FREM2: variants seen among roughly 807,000 people sequenced by gnomAD.
The protein encoded by FREM2 is FRAS1 related extracellular matrix 2.
FREM2 carries 119 observed loss-of-function variants against 219.9 expected under a neutral mutation model. That is an observed-to-expected ratio of 0.54 (90% CI 0.47 to 0.63). FREM2 has a LOEUF of 0.63. FREM2 is among the 30% of genes least tolerant of loss of function. FREM2 has a pLI of 0.00. For synonymous variants in FREM2, 1,562 were observed against 1,522.8 expected, an observed-to-expected ratio of 1.03 and a Z score of -0.60; for missense variants, 4,030 against 3,993.6, an observed-to-expected ratio of 1.01 and a Z score of -0.25.
chr13:38,760,831 C>CA (rs112835615), intron 2 of FREM2, among the ~76,000 whole-genome samples: 13,926 of 143,662 alleles, frequency 0.097, 664 homozygotes, highest in South Asian at 0.21. Flanking sequence ...CAGAAAATGA[C>CA]AAAAAAAAAA....
rs769340554 is a variant in FREM2 at position 38,878,188 on chromosome 13, C to T, written c.8726C>T (p.Ser2909Phe). 1.2e-6 allele frequency: 2 copies of T among 1,613,740 alleles called. No individual in the cohort carries two copies. Among genetic ancestry groups the T allele is most frequent in the South Asian group, 1.1e-5 (1 of 91,070 alleles). Residue 2909 changes from serine (S) to phenylalanine (F), a missense_variant, in exon 22 of 24, where the codon TCC (serine) becomes TTC (phenylalanine). Ser to Phe is a radical substitution (Grantham distance 155). Around this residue, in one of 2 missense-constraint regions of FREM2, gnomAD observed 928 missense variants for 1,042.9 expected, o/e 0.89. Transcript: ENST00000280481. ...MVDPVQNLGD[S>F]FYCSIEKVFL... ...GATCCTGTCCAGAATCTGGGTGACT[C>T]CTTTTACTGCAGCATTGAGAAGGTG...
At chr13:38,806,712 TG>T (rs1875243051) in intron 6 of FREM2, among the ~76,000 whole-genome samples, 2 of 151,888 alleles carry the variant, frequency 1.3e-5, no homozygotes, top group African/African-American at 4.8e-5. Flanking sequence ...TGCGGAAGGT[TG>T]GGATGGTTGT....
intron 7 of FREM2, among the ~76,000 whole-genome samples, chr13:38,847,601 G>T (rs1188726111): frequency 6.6e-6 from 1 of 151,452 alleles, no homozygotes; most frequent in Non-Finnish European, 1.5e-5. Flanking sequence ...CAGAGGAAAA[G>T]AAAAAAATAT....
intron 6 of FREM2, among the ~76,000 whole-genome samples, chr13:38,788,909 A>G (rs1874439827): frequency 1.3e-5 from 2 of 152,110 alleles, no homozygotes; most frequent in Admixed American, 6.6e-5. Flanking sequence ...TATTGAACGT[A>G]TTACATAATC....
intron 6 of FREM2, among the ~76,000 whole-genome samples, chr13:38,792,141 G>A (rs1355921296): frequency 6.6e-6 from 1 of 152,190 alleles, no homozygotes; most frequent in East Asian, 1.9e-4. Flanking sequence ...GAGGTCAGGA[G>A]TTTGAGACCA....
chr13:38,741,368 C>T lies in FREM2; in HGVS notation c.5264-22936C>T, dbSNP rs1404016811. ...ACATATTTTCAAATATGGAAGAAATCAGTATATCCAGCAAGTCACAAACCA... is the reference window on the plus strand; with the variant it reads ...ACATATTTTCAAATATGGAAGAAATTAGTATATCCAGCAAGTCACAAACCA... On this transcript the variant is annotated intron_variant, in intron 2 of 23. Coordinates refer to ENST00000280481, the MANE Select transcript of FREM2 (RefSeq NM_207361.6). Among the ~76,000 whole-genome samples the T allele has an allele frequency of 3.4e-4, 51 of 152,122 alleles. 1 individual carries two copies. The highest frequency in any genetic ancestry group is 3.2e-3 in the Admixed American group (49 of 15,264).
Position 38,848,624 on chromosome 13 carries a change from C to T in FREM2, c.6333C>T (p.Gly2111=), listed in dbSNP as rs116763572. The T allele has an allele frequency of 6.9e-5, 111 of 1,613,942 alleles. No individual in the cohort carries two copies. In the East Asian group the frequency reaches 8.9e-4, roughly 13 times the overall value. ...VLRMPMNAAL[G]EPSKATVSIN... Reference sequence around the variant, plus strand: ...GCATGCCTATGAACGCAGCCCTTGGCGAGCCCAGCAAAGCCACAGTGTCCA... The same window carrying T: ...GCATGCCTATGAACGCAGCCCTTGGTGAGCCCAGCAAAGCCACAGTGTCCA... The change falls in exon 8 of 24, where the codon GGC becomes GGT. Residue 2111 remains glycine, a synonymous_variant. Transcript: ENST00000280481.
At chr13:38,780,175 A>G (rs1294587877) in intron 4 of FREM2, among the ~76,000 whole-genome samples, 1 of 152,210 alleles carries the variant, frequency 6.6e-6, no homozygotes, top group African/African-American at 2.4e-5. Context: ...ATTTAAAAGG[A>G]ACCTCAATTT....
chr13:38,690,746 T>G lies in FREM2; in HGVS notation c.3402T>G (p.Ser1134Arg), dbSNP rs1171414638. The G allele has an allele frequency of 1.9e-6, 3 of 1,614,126 alleles. No homozygotes were observed. Among genetic ancestry groups the G allele is most frequent in the South Asian group, 2.2e-5 (2 of 91,074 alleles). The change falls in exon 1 of 24, where the codon AGT becomes AGG. Residue 1134 changes from serine (S) to arginine (R), a missense_variant. Ser to Arg is a moderately radical substitution (Grantham distance 110). This residue lies in a region of FREM2 where 3,102 missense variants were observed against 2,950.7 expected (regional missense o/e 1.05). Coordinates refer to ENST00000280481, the MANE Select transcript of FREM2 (RefSeq NM_207361.6). ...AATCAAGAGCAGGGATTGCCATAAG[T>G]GCTTTCAACTTGAAAGATCTCAGGC... is the stretch of plus-strand genomic sequence containing the variant. The part of the protein sequence containing the change: ...SEKSRAGIAI[S>R]AFNLKDLRQG...
intron 2 of FREM2, among the ~76,000 whole-genome samples, chr13:38,716,352 T>C (rs1871000670): frequency 6.6e-6 from 1 of 152,174 alleles, no homozygotes; most frequent in Admixed American, 6.5e-5. Flanking sequence ...TCAGCCTGCA[T>C]CCAGCTTTCC....
rs184672328 is a variant in FREM2 at position 38,790,203 on chromosome 13, G to A, written c.6019+5395G>A. ...GCAGAAACAACAAGCTCCATAAGAGGATGGGTTTTTATTCTAACTCACACA... is the reference window on the plus strand; with the variant it reads ...GCAGAAACAACAAGCTCCATAAGAGAATGGGTTTTTATTCTAACTCACACA... On this transcript the variant is annotated intron_variant, in intron 6 of 23. Coordinates refer to ENST00000280481, the MANE Select transcript of FREM2 (RefSeq NM_207361.6). 9.9e-4 allele frequency among the ~76,000 whole-genome samples: 150 copies of A among 152,258 alleles called. 1 individual carries two copies. The highest frequency in any genetic ancestry group is 2.1e-4 in the Non-Finnish European group (14 of 68,024).
At chr13:38,833,310 G>C (rs1327244898) in intron 6 of FREM2, among the ~76,000 whole-genome samples, 1 of 151,982 alleles carries the variant, frequency 6.6e-6, no homozygotes, top group Admixed American at 6.6e-5. Context: ...TTTGTTCTTA[G>C]TATTGATACA....
intron 2 of FREM2, among the ~76,000 whole-genome samples, chr13:38,713,838 A>G (rs1870876071): frequency 6.6e-6 from 1 of 152,188 alleles, no homozygotes; most frequent in African/African-American, 2.4e-5. Context: ...CCCTTCCCAG[A>G]TATTTGACAA....
chr13:38,880,093 C>A (rs1878486520), intron 23 of FREM2, among the ~76,000 whole-genome samples, 191 bp from the exon 24 acceptor site: 2 of 152,180 alleles, frequency 1.3e-5, no homozygotes, highest in South Asian at 4.1e-4. Context: ...TTAAGAGTTG[C>A]ACAGGATATA....
At chr13:38,765,163 G>A (rs1190848648) in intron 3 of FREM2, among the ~76,000 whole-genome samples, 2 of 152,074 alleles carry the variant, frequency 1.3e-5, no homozygotes, top group Non-Finnish European at 2.9e-5. Flanking sequence ...GCCCACCTCG[G>A]CCTCCCAAAG....
At chr13:38,716,129 A>G (rs1429342445) in intron 2 of FREM2, among the ~76,000 whole-genome samples, 2 of 148,818 alleles carry the variant, frequency 1.3e-5, no homozygotes, top group East Asian at 4.1e-4. Context: ...ACTGGGATGA[A>G]CGAGCCCCTA....
At chr13:38,846,063 A>G (rs1877141304) in intron 6 of FREM2, among the ~76,000 whole-genome samples, 1 of 152,182 alleles carries the variant, frequency 6.6e-6, no homozygotes, top group Non-Finnish European at 1.5e-5. Flanking sequence ...TAGTTATGAC[A>G]GTAGGTTCTA....
intron 2 of FREM2, among the ~76,000 whole-genome samples, chr13:38,736,690 A>C (rs2137774496): frequency 6.6e-6 from 1 of 152,320 alleles, no homozygotes; most frequent in African/African-American, 2.4e-5. Flanking sequence ...AGAAAAATAA[A>C]GAAAAAATTA....
At chr13:38,814,773 A>G (rs1282445389) in intron 6 of FREM2, among the ~76,000 whole-genome samples, 1 of 152,110 alleles carries the variant, frequency 6.6e-6, no homozygotes, top group Non-Finnish European at 1.5e-5. Context: ...TGATATTCAA[A>G]CCACAATGCA....
Sources: allele counts gnomAD v4.1 joint callset (sites outside exome capture counted in the v4.1 genomes callset), GRCh38; gene constraint gnomAD v4.1.1; regional missense constraint gnomAD v4.1.1; transcripts MANE v1.5; gene names NCBI Gene and HGNC (gene_info 2026-07-23, HGNC 2026-07-21).